GULP1: variants seen among roughly 807,000 people sequenced by gnomAD.
GULP1 encodes GULP PTB domain containing engulfment adaptor 1, also known as PTB domain-containing engulfment adapter protein 1.
GULP1 carries 19 observed loss-of-function variants against 40.9 expected under a neutral mutation model. That is an observed-to-expected ratio of 0.46 (90% CI 0.32 to 0.68). The LOEUF (loss-of-function observed/expected upper bound fraction) is 0.68. GULP1 is among the 30% of genes least tolerant of loss of function. The pLI is 0.03. For missense variants in GULP1, 312 were observed against 362.2 expected (o/e 0.86, Z 1.12); for synonymous variants, 119 against 117.6 (o/e 1.01, Z -0.08).
intron 1 of GULP1, among the ~76,000 whole-genome samples, chr2:188,317,174 C>T (rs1416801347): frequency 6.6e-6 from 1 of 152,156 alleles, no homozygotes. Flanking sequence ...AGCCACTTGA[C>T]TACCTCATTT....
intron 1 of GULP1, among the ~76,000 whole-genome samples, chr2:188,379,444 A>G (rs1011606739): frequency 6.6e-6 from 1 of 152,206 alleles, no homozygotes; most frequent in Non-Finnish European, 1.5e-5. Flanking sequence ...TAAATTATAA[A>G]GATCTTTTCA....
chr2:188,297,403 A>G, intron 1 of GULP1: 2 of 444,204 alleles, frequency 4.5e-6, no homozygotes, highest in Admixed American at 2.8e-5. Flanking sequence ...GGTATTGTGA[A>G]GTGAGAATTT....
At chr2:188,374,587 T>A (rs1219247359) in intron 1 of GULP1, among the ~76,000 whole-genome samples, 1 of 152,150 alleles carries the variant, frequency 6.6e-6, no homozygotes, top group Non-Finnish European at 1.5e-5. Flanking sequence ...AAAGGGATTG[T>A]TTCTTTGTAG....
chr2:188,403,769 G>A (rs1040845076), intron 2 of GULP1, among the ~76,000 whole-genome samples: 32 of 152,164 alleles, frequency 2.1e-4, no homozygotes, highest in African/African-American at 7.2e-4. Flanking sequence ...TTTTGGAATA[G>A]CAGTGAGCCC....
At chr2:188,448,870 T>C (rs2058611524) in intron 2 of GULP1, among the ~76,000 whole-genome samples, 1 of 152,158 alleles carries the variant, frequency 6.6e-6, no homozygotes. Flanking sequence ...CCTCCCCTTT[T>C]TCCTCCTTCT....
At chr2:188,318,962 G>T (rs571614048) in intron 1 of GULP1, among the ~76,000 whole-genome samples, 2 of 152,244 alleles carry the variant, frequency 1.3e-5, no homozygotes, top group Admixed American at 1.3e-4. Context: ...CTAAGCCCCA[G>T]TTTGGGGGCT....
intron 2 of GULP1, among the ~76,000 whole-genome samples, chr2:188,428,092 C>A (rs767782167): frequency 8.5e-5 from 13 of 152,202 alleles, no homozygotes; most frequent in Non-Finnish European, 1.5e-4. Flanking sequence ...AATGACTGCC[C>A]TGCTGGGTTT....
intron 2 of GULP1, among the ~76,000 whole-genome samples, chr2:188,396,834 A>G (rs1027312316): frequency 6.6e-6 from 1 of 152,180 alleles, no homozygotes; most frequent in Non-Finnish European, 1.5e-5. Context: ...AAGTAGGATG[A>G]GGAATGGTTT....
intron 1 of GULP1, among the ~76,000 whole-genome samples, chr2:188,319,654 T>C (rs1402505490): frequency 6.6e-6 from 1 of 152,168 alleles, no homozygotes; most frequent in African/African-American, 2.4e-5. Flanking sequence ...GTAGCTTAAA[T>C]AGCAACCCTT....
chr2:188,306,786 C>T (rs2037167126), intron 1 of GULP1, among the ~76,000 whole-genome samples: 1 of 152,174 alleles, frequency 6.6e-6, no homozygotes, highest in Admixed American at 6.5e-5. Context: ...GACAAAATGT[C>T]ATCATCTACG....
intron 1 of GULP1, among the ~76,000 whole-genome samples, chr2:188,309,162 ATC>A (rs1297563694): frequency 6.6e-6 from 1 of 152,046 alleles, no homozygotes; most frequent in Non-Finnish European, 1.5e-5. Context: ...ATCACGAATG[ATC>A]TCTGTCTTAA....
intron 1 of GULP1, among the ~76,000 whole-genome samples, chr2:188,336,146 A>G (rs1334072608): frequency 2.0e-5 from 3 of 152,330 alleles, no homozygotes; most frequent in South Asian, 4.1e-4. Flanking sequence ...TTAGAAATGT[A>G]TAATTATAAA....
chr2:188,589,888 G>A, intron 11 of GULP1: 1 of 430,616 alleles, frequency 2.3e-6, no homozygotes, highest in Middle Eastern at 6.0e-4. Context: ...GTTATGTTTA[G>A]AGAGGTTTTA....
At chr2:188,578,468 T>C (rs1700602395) in intron 9 of GULP1, among the ~76,000 whole-genome samples, 1 of 151,262 alleles carries the variant, frequency 6.6e-6, no homozygotes, top group African/African-American at 2.4e-5. Context: ...CAAACTACCA[T>C]GACACATATA....
In GULP1 at chr2:188,586,691, T is replaced by G. The variant is rs547378306; in HGVS notation, c.749-1164T>G. ...GATGATAAATTATATGTTCTCCTTA[T>G]TTATACAATACCTGCAAGTACAAGG... is the stretch of plus-strand genomic sequence containing the variant. On this transcript the variant is annotated intron_variant, in intron 10 of 11. Coordinates refer to ENST00000409830, the MANE Select transcript of GULP1 (RefSeq NM_016315.4). Among the ~76,000 whole-genome samples the G allele has an allele frequency of 2.0e-5, 3 of 152,236 alleles. No individual in the cohort carries two copies. In the East Asian group the frequency reaches 5.8e-4, roughly 29 times the overall value.
chr2:188,541,490 C>T (rs1690478032), intron 7 of GULP1, 172 bp downstream of exon 7: 1 of 677,790 alleles, frequency 1.5e-6, no homozygotes, highest in Non-Finnish European at 2.7e-6. Flanking sequence ...TGAGAATATG[C>T]TTCAGGATTT....
Position 188,524,602 on chromosome 2 carries a change from A to G in GULP1, c.162+1775A>G, listed in dbSNP as rs534670454. Among the ~76,000 whole-genome samples, 157 of 138,648 alleles carry G rather than the reference A, an allele frequency of 1.1e-3. 4 individuals are homozygous for G. The South Asian group carries it at 0.033, about 29-fold the overall frequency. 91.0% of individuals were successfully genotyped at this position (138,648 alleles called of 152,430 possible). Reference sequence around the variant, plus strand: ...GCTTTTTATCTATTTTTATATATATATATTTTTTTTTTGCTTTTTTTGTGT... The same window carrying G: ...GCTTTTTATCTATTTTTATATATATGTATTTTTTTTTTGCTTTTTTTGTGT... On this transcript the variant is annotated intron_variant, in intron 5 of 11. Coordinates refer to ENST00000409830, the MANE Select transcript of GULP1 (RefSeq NM_016315.4).
intron 2 of GULP1, 74 bp from the exon 3 acceptor site, chr2:188,477,585 T>G: frequency 1.3e-6 from 1 of 743,152 alleles, no homozygotes; most frequent in Non-Finnish European, 2.2e-6. Flanking sequence ...CCTTTATAAT[T>G]AAAACCACAT....
Position 188,443,690 on chromosome 2 carries a change from C to CT in GULP1, c.-44-33955dup, listed in dbSNP as rs1231359913. Among the ~76,000 whole-genome samples, 450 of 142,516 alleles carry CT rather than the reference C, an allele frequency of 3.2e-3. 2 individuals carry two copies. Among genetic ancestry groups the CT allele is most frequent in the Middle Eastern group, 0.014 (4 of 276 alleles). 93.5% of individuals were successfully genotyped at this position (142,516 alleles called of 152,430 possible). A position where few individuals can be genotyped will look rare whatever the true frequency, so the allele number is the denominator to read the frequency against. ...TAAACTGAAAAAATGAATTTCTTTT[C>CT]TTTTTTTTTTTTTTGAGACAGAGTC... On this transcript the variant is annotated intron_variant, in intron 2 of 11. Transcript: ENST00000409830.
Sources: gnomAD v4.1 joint callset for allele counts (sites outside exome capture counted in the v4.1 genomes callset) on GRCh38, gnomAD v4.1.1 for gene constraint, MANE v1.5 for transcripts, NCBI Gene and HGNC (gene_info 2026-07-23, HGNC 2026-07-21) for gene names.